The following TNIP3 variants were observed in gnomAD, a reference collection of about 807,000 sequenced individuals.
TNIP3 encodes the protein TNFAIP3 interacting protein 3.
TNIP3 carries 34 observed loss-of-function variants against 54.1 expected under a neutral mutation model. That is an observed-to-expected ratio of 0.63 (90% CI 0.48 to 0.84). TNIP3 has a LOEUF of 0.84. Among genes scored for constraint, TNIP3 ranks in the 40% least tolerant of loss-of-function variants. TNIP3 has a pLI of 0.00. For synonymous variants in TNIP3, 134 were observed against 136.8 expected (o/e 0.98, Z 0.14); for missense variants, 366 against 387.6 (o/e 0.94, Z 0.47).
chr4:121,154,367 C>T (rs541692926), intron 5 of TNIP3, 184 bp downstream of exon 5: 4 of 695,152 alleles, frequency 5.8e-6, no homozygotes, highest in Non-Finnish European at 2.3e-6. Context: ...TCTCTAAAGC[C>T]TCCTTAGCCA....
chr4:121,168,190 A>T (rs1380416346), upstream of TNIP3, among the ~76,000 whole-genome samples: 1 of 151,978 alleles, frequency 6.6e-6, no homozygotes, highest in African/African-American at 2.4e-5. Flanking sequence ...GGTGAAATAA[A>T]CTTACCATTT....
At chr4:121,139,755 C>A (rs1729002357) in intron 9 of TNIP3, among the ~76,000 whole-genome samples, 2 of 152,098 alleles carry the variant, frequency 1.3e-5, no homozygotes, top group South Asian at 4.2e-4. Flanking sequence ...TATGAAAAAG[C>A]TAGAAGAGGA....
At chr4:121,151,735 C>A (rs1729773256) in intron 5 of TNIP3, among the ~76,000 whole-genome samples, 1 of 152,004 alleles carries the variant, frequency 6.6e-6, no homozygotes, top group South Asian at 2.1e-4. Context: ...TTTGAATTTT[C>A]TGATCTACTT....
chr4:121,198,049 A>G (rs1447864601), intron 2 of TNIP3, among the ~76,000 whole-genome samples: 1 of 152,232 alleles, frequency 6.6e-6, no homozygotes, highest in African/African-American at 2.4e-5. Flanking sequence ...AATAGATCCT[A>G]GAAAAGAACT....
At chr4:121,193,086 C>T (rs7684241) in intron 2 of TNIP3, among the ~76,000 whole-genome samples, 5,381 of 152,192 alleles carry the variant, frequency 0.035, 311 homozygotes, top group African/African-American at 0.12. Context: ...TGATTTGATT[C>T]AGAATGTTTC....
chr4:121,193,785 G>C (rs1725425109), intron 2 of TNIP3, among the ~76,000 whole-genome samples: 2 of 151,904 alleles, frequency 1.3e-5, no homozygotes, highest in South Asian at 4.2e-4. Flanking sequence ...TCCAAACTAT[G>C]ATCATATGAC....
intron 2 of TNIP3, among the ~76,000 whole-genome samples, chr4:121,214,094 T>A (rs964758574): frequency 6.6e-6 from 1 of 152,030 alleles, no homozygotes; most frequent in Non-Finnish European, 1.5e-5. Flanking sequence ...AGTTCAGGAG[T>A]GATAGAGGGA....
At chr4:121,206,073 T>G (rs998489751) in intron 2 of TNIP3, among the ~76,000 whole-genome samples, 3 of 152,130 alleles carry the variant, frequency 2.0e-5, no homozygotes, top group African/African-American at 7.2e-5. Flanking sequence ...ACTCCCATGA[T>G]TCAATTACCT....
intron 2 of TNIP3, among the ~76,000 whole-genome samples, chr4:121,184,292 G>A (rs1724884310): frequency 6.6e-6 from 1 of 152,312 alleles, no homozygotes; most frequent in East Asian, 1.9e-4. Context: ...CTAATCAAAT[G>A]CCTGTATGGC....
chr4:121,163,291 C>T (rs1048959477), intron 1 of TNIP3, among the ~76,000 whole-genome samples: 29 of 152,140 alleles, frequency 1.9e-4, no homozygotes, highest in East Asian at 5.8e-4. Context: ...TAAAATAAAG[C>T]GAAATTAATC....
chr4:121,196,510 C>G (rs549359257), intron 2 of TNIP3, among the ~76,000 whole-genome samples: 79 of 151,364 alleles, frequency 5.2e-4, no homozygotes, highest in Non-Finnish European at 9.6e-4. Context: ...GAAATCATAA[C>G]AATTAAATGT....
At chr4:121,223,098 C>G (rs1727109356) in intron 1 of TNIP3, among the ~76,000 whole-genome samples, 1 of 152,192 alleles carries the variant, frequency 6.6e-6, no homozygotes, top group Non-Finnish European at 1.5e-5. Flanking sequence ...AGCCACCGCG[C>G]CCAGCCAGGT....
rs1019475881 is a variant in TNIP3 at position 121,138,753 on chromosome 4, A to G, written c.886-69T>C. On this transcript the variant is annotated intron_variant, in intron 9 of 10. Coordinates refer to ENST00000057513, the MANE Select transcript of TNIP3 (RefSeq NM_024873.6). ...AATATAGTGGCATGTCAAAAATACA[A>G]TTAGGCTATGTGGCTTTTATTAAGC... is the stretch of plus-strand genomic sequence containing the variant. 5.0e-6 allele frequency: 7 copies of G among 1,402,700 alleles called. No homozygotes were observed. The African/African-American group carries it at 7.1e-5, about 14-fold the overall frequency. The allele number at this position is 1,402,700 out of a possible 1,614,324, so 86.9% of individuals were successfully genotyped here.
At chr4:121,200,456 G>A (rs1308276433) in intron 2 of TNIP3, among the ~76,000 whole-genome samples, 2 of 152,100 alleles carry the variant, frequency 1.3e-5, no homozygotes, top group Non-Finnish European at 2.9e-5. Flanking sequence ...TCTGAGCAAC[G>A]TTTTTCATCT....
At chr4:121,142,882 A>G (rs1192133341) in intron 7 of TNIP3, 106 bp from the exon 8 acceptor site, 2 of 870,148 alleles carry the variant, frequency 2.3e-6, no homozygotes, top group South Asian at 1.7e-5. Flanking sequence ...CAGTAATACC[A>G]ACAAAAATAG....
chr4:121,181,935 A>G (rs1174202846), intron 3 of TNIP3, among the ~76,000 whole-genome samples: 1 of 152,226 alleles, frequency 6.6e-6, no homozygotes, highest in Admixed American at 6.5e-5. Context: ...AACACTGAGT[A>G]AGAACTTCTT....
chr4:121,198,788 G>A (rs1267167796), intron 2 of TNIP3, among the ~76,000 whole-genome samples: 1 of 152,184 alleles, frequency 6.6e-6, no homozygotes, highest in Non-Finnish European at 1.5e-5. Flanking sequence ...TTCAAAGACA[G>A]TGTTAACAAA....
At chr4:121,153,567 T>C (rs1729893194) in intron 5 of TNIP3, among the ~76,000 whole-genome samples, 1 of 152,218 alleles carries the variant, frequency 6.6e-6, no homozygotes, top group Non-Finnish European at 1.5e-5. Context: ...ATAAAGTATA[T>C]TGTTTATGAA....
chr4:121,174,009 G>A (rs1380561528), intron 3 of TNIP3, among the ~76,000 whole-genome samples: 1 of 152,150 alleles, frequency 6.6e-6, no homozygotes, highest in African/African-American at 2.4e-5. Context: ...AGAATATGAA[G>A]ATGAGCAAAA....
Sources: gnomAD v4.1 joint callset for allele counts (sites outside exome capture counted in the v4.1 genomes callset) on GRCh38, gnomAD v4.1.1 for gene constraint, MANE v1.5 for transcripts, NCBI Gene and HGNC (gene_info 2026-07-23, HGNC 2026-07-21) for gene names.